FHIP1A: variants seen among roughly 807,000 people sequenced by gnomAD.
FHIP1A encodes the protein FHF complex subunit HOOK-interacting protein 1A.
FHIP1A carries 61 observed loss-of-function variants against 88.6 expected under a neutral mutation model. That is an observed-to-expected ratio of 0.69 (90% CI 0.56 to 0.85). FHIP1A has a LOEUF of 0.85. Among genes scored for constraint, FHIP1A ranks in the 40% least tolerant of loss-of-function variants. The probability of loss-of-function intolerance (pLI) is 0.00; values close to 1 mark genes in which losing one functional copy is unlikely to be tolerated. For synonymous variants in FHIP1A, 478 were observed against 496.0 expected (o/e 0.96, Z 0.48); for missense variants, 1,154 against 1,273.5 (o/e 0.91, Z 1.43).
intron 3 of FHIP1A, among the ~76,000 whole-genome samples, chr4:151,543,515 G>T (rs1026860415): frequency 6.6e-6 from 1 of 152,142 alleles, no homozygotes; most frequent in Non-Finnish European, 1.5e-5. Context: ...AGACACCAAA[G>T]AATAGCATAC....
chr4:151,637,873 A>C (rs1006993936), intron 8 of FHIP1A, among the ~76,000 whole-genome samples: 1 of 152,170 alleles, frequency 6.6e-6, no homozygotes, highest in African/African-American at 2.4e-5. Flanking sequence ...TGTAGATTTC[A>C]TTGGCCAGAT....
At chr4:151,529,495 G>C (rs1731795721) in intron 3 of FHIP1A, among the ~76,000 whole-genome samples, 1 of 152,182 alleles carries the variant, frequency 6.6e-6, no homozygotes, top group South Asian at 2.1e-4. Flanking sequence ...GCACATCATA[G>C]GTTAAAGGCC....
chr4:151,493,490 A>G (rs1361492507), intron 3 of FHIP1A, among the ~76,000 whole-genome samples: 1 of 152,180 alleles, frequency 6.6e-6, no homozygotes. Context: ...GTATTCCCTA[A>G]TACCAAAACC....
chr4:151,579,051 T>G (rs1335611927), intron 5 of FHIP1A, among the ~76,000 whole-genome samples: 4 of 152,064 alleles, frequency 2.6e-5, no homozygotes, highest in Admixed American at 2.6e-4. Flanking sequence ...AAGGTAAAAC[T>G]ATGGAGACAG....
intron 5 of FHIP1A, among the ~76,000 whole-genome samples, chr4:151,584,452 C>G (rs1241333641): frequency 6.6e-6 from 1 of 152,252 alleles, no homozygotes; most frequent in South Asian, 2.1e-4. Context: ...TTTAACATAC[C>G]TAGGCCCACA....
In FHIP1A at chr4:151,505,003, C is replaced by G. The variant is rs567248506; in HGVS notation, c.-123+22355C>G. On this transcript the variant is annotated intron_variant, in intron 3 of 13. Transcript: ENST00000435205. ...ATTCATTTGCTCTTGCCCATTACCC[C>G]CCGACCCAGTCTCTGTTTGTCTCTG... Among the ~76,000 whole-genome samples, 220 of 152,246 alleles carry G rather than the reference C, an allele frequency of 1.4e-3. 3 individuals carry two copies. The South Asian group carries it at 0.042, about 29-fold the overall frequency.
At chr4:151,545,499 T>A (rs952045853) in intron 3 of FHIP1A, among the ~76,000 whole-genome samples, 5 of 145,850 alleles carry the variant, frequency 3.4e-5, no homozygotes, top group African/African-American at 1.3e-4. Context: ...TGCCTCAGCC[T>A]CCCGAGTAGC....
chr4:151,608,016 CT>C (rs1488743461), intron 7 of FHIP1A, among the ~76,000 whole-genome samples: 1 of 101,466 alleles, frequency 9.9e-6, no homozygotes, highest in Non-Finnish European at 2.2e-5. Flanking sequence ...TTTCTTTTTT[CT>C]TTTCTTTTTC....
chr4:151,441,954 C>G (rs1366592607), intron 1 of FHIP1A, among the ~76,000 whole-genome samples: 2 of 152,070 alleles, frequency 1.3e-5, no homozygotes, highest in Non-Finnish European at 2.9e-5. Flanking sequence ...TTCTCTTGTT[C>G]CATATTGTAA....
intron 3 of FHIP1A, among the ~76,000 whole-genome samples, chr4:151,556,682 C>T (rs1732958634): frequency 6.6e-6 from 1 of 151,940 alleles, no homozygotes; most frequent in South Asian, 2.1e-4. Flanking sequence ...CATTATCTGC[C>T]CCCTTAAAAC....
chr4:151,572,850 C>T (rs980917089), intron 4 of FHIP1A, among the ~76,000 whole-genome samples: 10 of 152,280 alleles, frequency 6.6e-5, no homozygotes, highest in African/African-American at 1.9e-4. Context: ...CAAAGCTAGT[C>T]TCCTGAGAGA....
rs1001265217 is a variant in FHIP1A at position 151,666,013 on chromosome 4, G to A, written c.*3259G>A. Among the ~76,000 whole-genome samples, 2 of 152,196 alleles carry A rather than the reference G, an allele frequency of 1.3e-5. No homozygotes were observed. The highest frequency in any genetic ancestry group is 4.8e-5 in the African/African-American group (2 of 41,434). On this transcript the variant is annotated 3_prime_UTR_variant, in exon 14 of 14. Transcript: ENST00000435205. ...AAAGGTGAGGGAGCCAAGGGTTCCT[G>A]GAGTATCACAACATTAACCTCAATT...
chr4:151,411,551 C>A (rs1732647862), intron 1 of FHIP1A, among the ~76,000 whole-genome samples: 1 of 151,860 alleles, frequency 6.6e-6, no homozygotes, highest in Non-Finnish European at 1.5e-5. Context: ...GGTTTTGCCA[C>A]GTTGCCCAGG....
chr4:151,646,612 G>C lies in FHIP1A; in HGVS notation c.1281G>C (p.Glu427Asp), dbSNP rs1300261671. Residue 427 changes from glutamate (E) to aspartate (D), a missense_variant, in exon 10 of 14, where the codon GAG becomes GAC. Physicochemically the swap from Glu to Asp is conservative, Grantham distance 45 (BLOSUM62 2). Coordinates refer to ENST00000435205, the MANE Select transcript of FHIP1A (RefSeq NM_001109977.3). ...MMLSQRWAVK[E>D]RDCYSVSAAK... ...TGAGTCAGAGGTGGGCTGTGAAGGA[G>C]AGAGACTGTTACTCTGTTTCTGCGG... 4 of 1,551,678 alleles carry C rather than the reference G, an allele frequency of 2.6e-6. No homozygotes were observed. In the Admixed American group the frequency reaches 7.8e-5, roughly 30 times the overall value.
At chr4:151,567,583 T>C (rs907991428) in intron 4 of FHIP1A, among the ~76,000 whole-genome samples, 1 of 152,154 alleles carries the variant, frequency 6.6e-6, no homozygotes, top group Non-Finnish European at 1.5e-5. Context: ...TAATAACCTT[T>C]GGCTTTGCAC....
chr4:151,454,303 G>A lies in FHIP1A; in HGVS notation c.-355-398G>A, dbSNP rs116415055. On this transcript the variant is annotated intron_variant, in intron 1 of 13. Coordinates refer to ENST00000435205, the MANE Select transcript of FHIP1A (RefSeq NM_001109977.3). ...CACATCAAGAGCCATTGGAGTTATT[G>A]GTGTGAAAGACAGGCAGCCATTTCT... Among the ~76,000 whole-genome samples the A allele has an allele frequency of 5.4e-3, 817 of 152,282 alleles. 7 individuals are homozygous for A. The highest frequency in any genetic ancestry group is 0.019 in the African/African-American group (795 of 41,564).
intron 1 of FHIP1A, among the ~76,000 whole-genome samples, chr4:151,416,292 A>G (rs576465252): frequency 1.6e-4 from 24 of 152,290 alleles, no homozygotes; most frequent in Admixed American, 1.1e-3. Context: ...ATTTAGTCCA[A>G]GCTTTTTTTC....
chr4:151,634,710 A>G (rs1397599214), intron 8 of FHIP1A, among the ~76,000 whole-genome samples: 1 of 151,876 alleles, frequency 6.6e-6, no homozygotes, highest in Non-Finnish European at 1.5e-5. Flanking sequence ...ATGCAAAAGA[A>G]TGAAGTTGAA....
chr4:151,455,193 A>G (rs766908136), intron 2 of FHIP1A, among the ~76,000 whole-genome samples: 8 of 152,224 alleles, frequency 5.3e-5, no homozygotes, highest in Non-Finnish European at 1.2e-4. Context: ...TTCTTCATGC[A>G]GTTTGTACAC....
Sources: gnomAD v4.1 joint callset for allele counts (sites outside exome capture counted in the v4.1 genomes callset) on GRCh38, gnomAD v4.1.1 for gene constraint, MANE v1.5 for transcripts, NCBI Gene and HGNC (gene_info 2026-07-23, HGNC 2026-07-21) for gene names.